Variants in ISOC2 observed in about 807,000 individuals in gnomAD.
The protein encoded by ISOC2 is isochorismatase domain-containing protein 2.
Under a neutral mutation model 19.3 loss-of-function variants are expected in ISOC2, and 15 were observed. The ratio of observed to expected loss-of-function variants is 0.78; its 90% CI spans 0.52 to 1.20. The LOEUF (loss-of-function observed/expected upper bound fraction) is 1.20, where lower values mean the gene tolerates loss of function less well. Ranked by LOEUF, ISOC2 falls within the 50% of genes most tolerant of loss-of-function variation. ISOC2 has a pLI of 0.00. For synonymous variants in ISOC2, 106 were observed against 115.8 expected (o/e 0.92, Z 0.54); for missense variants, 285 against 272.4 (o/e 1.05, Z -0.33).
At position 55,454,980 on chromosome 19, in the gene ISOC2, G is replaced by A. The variant is rs113162090; in HGVS notation, c.537+9C>T. On this transcript the variant is annotated intron_variant, in intron 5 of 5. Transcript: ENST00000425675. ...GCAGGGGAGGTGGGGGCGGCCAGGC[G>A]GGCATTACCTCCTTGAACTGGGGGT... 16,260 of 1,596,996 alleles carry A rather than the reference G, an allele frequency of 0.01. 99 individuals are homozygous for A. The highest frequency in any genetic ancestry group is 0.012 in the Non-Finnish European group (14,159 of 1,165,012).
chr19:55,458,883 TTCTC>T (rs957628981), intron 1 of ISOC2, among the ~76,000 whole-genome samples: 15 of 151,800 alleles, frequency 9.9e-5, no homozygotes, highest in Admixed American at 2.0e-4. Flanking sequence ...TTGTCTTTCT[TTCTC>T]TCTCTCGTCC....
Position 55,453,275 on chromosome 19 carries a change from G to A in ISOC2, c.*33C>T, listed in dbSNP as rs749023220. The A allele has an allele frequency of 5.2e-6, 8 of 1,527,948 alleles. No individual in the cohort carries two copies. The highest frequency in any genetic ancestry group is 3.4e-4 in the Middle Eastern group (2 of 5,840). 94.6% of individuals were successfully genotyped at this position (1,527,948 alleles called of 1,614,324 possible). ...GCTTCCACTGAGGTCCGGGTGACAG[G>A]AGGGTGGTCTTCCCTCAAGGCAGGG... On this transcript the variant is annotated 3_prime_UTR_variant, in exon 6 of 6. Coordinates refer to ENST00000425675, the MANE Select transcript of ISOC2 (RefSeq NM_001136201.2).
Position 55,455,004 on chromosome 19 carries a change from G to A in ISOC2, c.522C>T (p.His174=). The change falls in exon 5 of 6, where the codon CAC becomes CAT. Residue 174 remains histidine, a synonymous_variant. Coordinates refer to ENST00000425675, the MANE Select transcript of ISOC2 (RefSeq NM_001136201.2). ...LILQLVGDAV[H]PQFKEIQKLI... ...CGGGCATTACCTCCTTGAACTGGGG[G>A]TGGACGGCATCGCCCACAAGCTGCA... 6.2e-7 allele frequency: 1 copy of A among 1,613,098 alleles called. No individual in the cohort carries two copies. The highest frequency in any genetic ancestry group is 8.5e-7 in the Non-Finnish European group (1 of 1,179,570).
Position 55,453,185 on chromosome 19 carries a change from C to CT in ISOC2, c.*122_*123insA. ...AATGGGAAGGCAGCACCCTGCCCCCCCCACAAGGGGGCGGCACTCCTGGTG... is the reference window on the plus strand; with the variant it reads ...AATGGGAAGGCAGCACCCTGCCCCCCTCCACAAGGGGGCGGCACTCCTGGTG... On this transcript the variant is annotated 3_prime_UTR_variant, in exon 6 of 6. Transcript: ENST00000425675. 1.6e-6 allele frequency: 1 copy of CT among 616,056 alleles called. No individual in the cohort carries two copies. The highest frequency in any genetic ancestry group is 2.7e-6 in the Non-Finnish European group (1 of 368,714). The allele number at this position is 616,056 out of a possible 1,614,324, so 38.2% of individuals were successfully genotyped here. A position where few individuals can be genotyped will look rare whatever the true frequency, so the allele number is the denominator to read the frequency against.
intron 1 of ISOC2, among the ~76,000 whole-genome samples, chr19:55,456,823 G>A (rs1210739877): frequency 1.3e-5 from 2 of 152,000 alleles, no homozygotes; most frequent in African/African-American, 4.8e-5. Flanking sequence ...GTTACCATCC[G>A]CCCCGGTTAC....
chr19:55,456,022 G>A, intron 2 of ISOC2, 177 bp from the exon 3 acceptor site: 1 of 610,088 alleles, frequency 1.6e-6, no homozygotes, highest in Non-Finnish European at 2.9e-6. Context: ...TCCTGAGTCT[G>A]AGGGAGGAGG....
In ISOC2 at chr19:55,457,497, T is replaced by C. The variant is rs575532140; in HGVS notation, c.-3-1008A>G. Among the ~76,000 whole-genome samples the C allele has an allele frequency of 2.3e-3, 349 of 151,066 alleles. 1 individual carries two copies. Among genetic ancestry groups the C allele is most frequent in the Non-Finnish European group, 3.7e-3 (248 of 67,850 alleles). On this transcript the variant is annotated intron_variant, in intron 1 of 5. Coordinates refer to ENST00000425675, the MANE Select transcript of ISOC2 (RefSeq NM_001136201.2). ...TTGTAGTGAGCCGAGATCACACCAC[T>C]GCACTCCAGCCTGGGTGACTGAGCA...
At chr19:55,458,357 T>C (rs1315222986) in intron 1 of ISOC2, among the ~76,000 whole-genome samples, 1 of 152,194 alleles carries the variant, frequency 6.6e-6, no homozygotes, top group Non-Finnish European at 1.5e-5. Context: ...TGGGCTGGGC[T>C]TTTGTCTGCA....
intron 1 of ISOC2, chr19:55,459,839 T>TG (rs1568460085): frequency 6.6e-6 from 1 of 152,274 alleles, no homozygotes; most frequent in African/African-American, 2.4e-5. Flanking sequence ...ACAAGGGCCC[T>TG]GGAGTCTCTC....
Position 55,453,184 on chromosome 19 carries a change from C to CA in ISOC2, c.*123_*124insT. The CA allele has an allele frequency of 3.3e-6, 2 of 608,800 alleles. No individual in the cohort carries two copies. The highest frequency in any genetic ancestry group is 2.8e-6 in the Non-Finnish European group (1 of 362,184). 37.7% of individuals were successfully genotyped at this position (608,800 alleles called of 1,614,324 possible). ...CAATGGGAAGGCAGCACCCTGCCCCCCCCACAAGGGGGCGGCACTCCTGGT... is the reference window on the plus strand; with the variant it reads ...CAATGGGAAGGCAGCACCCTGCCCCCACCCACAAGGGGGCGGCACTCCTGGT... On this transcript the variant is annotated 3_prime_UTR_variant, in exon 6 of 6. Coordinates refer to ENST00000425675, the MANE Select transcript of ISOC2 (RefSeq NM_001136201.2).
intron 5 of ISOC2, chr19:55,453,623 G>A (rs1019664038): frequency 7.8e-6 from 3 of 382,530 alleles, no homozygotes; most frequent in Non-Finnish European, 1.4e-5. Context: ...GGACCACTAA[G>A]GGTGGACAGC....
chr19:55,453,319 G>C lies in ISOC2; in HGVS notation c.607C>G (p.Leu203Val). ...LLGLFQGQNS[L>V]LH is the part of the protein sequence containing the mutation. ...GGCAGGGTTGGAGTTCAGTGGAGGA[G>C]GGAGTTCTGGCCTTGGAAGAGGCCC... The change falls in exon 6 of 6, where the codon CTC (leucine) becomes GTC (valine). Residue 203 changes from leucine to valine, a missense_variant. Coordinates refer to ENST00000425675, the MANE Select transcript of ISOC2 (RefSeq NM_001136201.2). 1 of 1,606,748 alleles carries C rather than the reference G, an allele frequency of 6.2e-7. No individual in the cohort carries two copies. The highest frequency in any genetic ancestry group is 1.3e-5 in the African/African-American group (1 of 74,790).
chr19:55,455,493 G>A (rs2123377764), intron 3 of ISOC2, 143 bp downstream of exon 3: 1 of 1,126,530 alleles, frequency 8.9e-7, no homozygotes, highest in Non-Finnish European at 1.3e-6. Flanking sequence ...GATAGGATGG[G>A]GCCCACAGGT....
chr19:55,453,308 TC>T lies in ISOC2; in HGVS notation c.617del (p.Ter206=). 6.2e-7 allele frequency: 1 copy of T among 1,603,768 alleles called. No homozygotes were observed. The highest frequency in any genetic ancestry group is 8.5e-7 in the Non-Finnish European group (1 of 1,175,648). On this transcript the variant is annotated frameshift_variant and stop_lost, in exon 6 of 6. Transcript: ENST00000425675. LOFTEE classifies it high-confidence loss of function. ...LFQGQNSLLH[*>X] ...TCTTCCCTCAAGGCAGGGTTGGAGT[TC>T]AGTGGAGGAGGGAGTTCTGGCCTTG...
Position 55,455,117 on chromosome 19 carries a change from G to A in ISOC2, c.420-11C>T, listed in dbSNP as rs761780784. ...AGCCGGTCCACCTGGCTGTGAGTGG[G>A]AGGGAGGGAGGGAAGGTTGGTGTGG... is the stretch of plus-strand genomic sequence containing the variant. On this transcript the variant is annotated splice_polypyrimidine_tract_variant and intron_variant, in intron 4 of 5. Transcript: ENST00000425675. 2.3e-6 allele frequency: 3 copies of A among 1,295,204 alleles called. No homozygotes were observed. Among genetic ancestry groups the A allele is most frequent in the African/African-American group, 2.9e-5 (2 of 68,620 alleles). 80.2% of individuals were successfully genotyped at this position (1,295,204 alleles called of 1,614,324 possible). A position where few individuals can be genotyped will look rare whatever the true frequency, so the allele number is the denominator to read the frequency against.
chr19:55,458,080 AGAAAAGAAG>A (rs1343371876), intron 1 of ISOC2, among the ~76,000 whole-genome samples: 35 of 152,042 alleles, frequency 2.3e-4, no homozygotes, highest in Middle Eastern at 3.4e-3. Flanking sequence ...AAGAAAAGAA[AGAAAAGAAG>A]AGAAAGAAAA....
At chr19:55,453,747 G>C (rs535364562) in intron 5 of ISOC2, among the ~76,000 whole-genome samples, 1 of 151,940 alleles carries the variant, frequency 6.6e-6, no homozygotes, top group African/African-American at 2.4e-5. Context: ...CCCTGAACTC[G>C]ACTCATCTAT....
At chr19:55,453,996 G>C (rs1985961368) in intron 5 of ISOC2, 1 of 152,046 alleles carries the variant, frequency 6.6e-6, no homozygotes, top group Non-Finnish European at 1.5e-5. Flanking sequence ...GGTCACACAG[G>C]GCCAGAAAGA....
In ISOC2 at chr19:55,455,001, G is replaced by A. The variant is rs1357803667; in HGVS notation, c.525C>T (p.Pro175=). The change falls in exon 5 of 6, where the codon CCC becomes CCT. Residue 175 remains proline, a synonymous_variant. Transcript: ENST00000425675. ...ILQLVGDAVH[P]QFKEIQKLIK... ...AGGCGGGCATTACCTCCTTGAACTG[G>A]GGGTGGACGGCATCGCCCACAAGCT... is the stretch of plus-strand genomic sequence containing the variant. 1.2e-6 allele frequency: 2 copies of A among 1,612,444 alleles called. No individual in the cohort carries two copies. Among genetic ancestry groups the A allele is most frequent in the Non-Finnish European group, 1.7e-6 (2 of 1,178,944 alleles).
Sources: allele counts gnomAD v4.1 joint callset (sites outside exome capture counted in the v4.1 genomes callset), GRCh38; gene constraint gnomAD v4.1.1; transcripts MANE v1.5; gene names NCBI Gene and HGNC (gene_info 2026-07-23, HGNC 2026-07-21).